TBX15: variants seen among roughly 807,000 people sequenced by gnomAD.
TBX15 encodes T-box transcription factor 15.
A neutral mutation model predicts 53.9 loss-of-function variants in TBX15; 18 were observed. That is an observed-to-expected ratio of 0.33 (90% CI 0.23 to 0.49). The LOEUF is 0.49. TBX15 is among the 20% of genes least tolerant of loss of function. The pLI is 0.98. For missense variants in TBX15, 692 were observed against 749.5 expected (o/e 0.92, Z 0.90); for synonymous variants, 295 against 278.0 (o/e 1.06, Z -0.61).
chr1:118,981,003 T>G (rs1354638160), intron 1 of TBX15, among the ~76,000 whole-genome samples: 1 of 152,010 alleles, frequency 6.6e-6, no homozygotes, highest in Admixed American at 6.6e-5. Flanking sequence ...TGGCTAAAAT[T>G]TGTATTTTTA....
chr1:118,935,247 G>A (rs776622924), intron 1 of TBX15, among the ~76,000 whole-genome samples: 2 of 152,042 alleles, frequency 1.3e-5, no homozygotes, highest in African/African-American at 2.4e-5. Context: ...TATTAATTAG[G>A]ATGTATAATA....
At chr1:118,892,347 G>GA (rs1177511305) in intron 7 of TBX15, among the ~76,000 whole-genome samples, 2 of 152,116 alleles carry the variant, frequency 1.3e-5, no homozygotes, top group Non-Finnish European at 2.9e-5. Flanking sequence ...GTACAGAATA[G>GA]AAAAACAACA....
intron 6 of TBX15, among the ~76,000 whole-genome samples, chr1:118,911,827 T>C (rs1314752473): frequency 6.6e-6 from 1 of 152,158 alleles, no homozygotes; most frequent in Non-Finnish European, 1.5e-5. Context: ...CTGCCCAGAG[T>C]GCATAGTTGG....
At chr1:118,981,514 A>G (rs941503922) in intron 1 of TBX15, among the ~76,000 whole-genome samples, 15 of 152,230 alleles carry the variant, frequency 9.9e-5, no homozygotes, top group South Asian at 2.1e-4. Flanking sequence ...AACACTAGCT[A>G]ATATTAAAAG....
At chr1:118,901,251 G>A (rs980067015) in intron 6 of TBX15, 47 of 421,524 alleles carry the variant, frequency 1.1e-4, no homozygotes, top group Non-Finnish European at 1.1e-4. Flanking sequence ...GGGCCTTTGT[G>A]CTGAGTCATA....
intron 1 of TBX15, among the ~76,000 whole-genome samples, chr1:118,936,072 C>A (rs780235969): frequency 6.6e-6 from 1 of 152,174 alleles, no homozygotes; most frequent in Non-Finnish European, 1.5e-5. Flanking sequence ...ACTAAGGTGG[C>A]TTAAATATGT....
At chr1:118,902,492 C>T (rs1380014008) in intron 6 of TBX15, among the ~76,000 whole-genome samples, 1 of 152,172 alleles carries the variant, frequency 6.6e-6, no homozygotes, top group African/African-American at 2.4e-5. Context: ...TGCTTTATTG[C>T]TGAGTCATTC....
Position 118,914,295 on chromosome 1 carries a change from TC to T in TBX15, c.862-117del. 6.1e-6 allele frequency: 6 copies of T among 984,254 alleles called. No individual in the cohort carries two copies. The South Asian group carries it at 8.6e-5, about 14-fold the overall frequency. 61.0% of individuals were successfully genotyped at this position (984,254 alleles called of 1,614,324 possible). ...TAACAGTTGTTGCTTTTATTTAATT[TC>T]CTTTCAGCTCAAGATTTAATTTGAA... On this transcript the variant is annotated intron_variant, in intron 5 of 7. Coordinates refer to ENST00000369429, the MANE Select transcript of TBX15 (RefSeq NM_001330677.2).
At chr1:118,914,309 G>A in intron 5 of TBX15, 130 bp from the exon 6 acceptor site, 1 of 906,258 alleles carries the variant, frequency 1.1e-6, no homozygotes, top group South Asian at 1.5e-5. Context: ...TTCAGCTCAA[G>A]ATTTAATTTG....
At chr1:118,904,973 A>G (rs1006453212) in intron 6 of TBX15, among the ~76,000 whole-genome samples, 11 of 152,210 alleles carry the variant, frequency 7.2e-5, no homozygotes, top group African/African-American at 1.9e-4. Context: ...ACTTCCTCCT[A>G]ACTGTGATTT....
At chr1:118,898,967 T>C in intron 7 of TBX15, 61 bp downstream of exon 7, 1 of 1,547,686 alleles carries the variant, frequency 6.5e-7, no homozygotes, top group Non-Finnish European at 8.9e-7. Flanking sequence ...CTATATTCGG[T>C]TGAGCTCCCA....
intron 6 of TBX15, among the ~76,000 whole-genome samples, chr1:118,910,190 T>C (rs1654985242): frequency 6.6e-6 from 1 of 152,220 alleles, no homozygotes; most frequent in African/African-American, 2.4e-5. Flanking sequence ...GCAAACTCTG[T>C]AACTCCAAAG....
chr1:118,900,384 T>C (rs1260902707), intron 6 of TBX15, among the ~76,000 whole-genome samples: 1 of 152,210 alleles, frequency 6.6e-6, no homozygotes, highest in African/African-American at 2.4e-5. Context: ...TTATTTTAGG[T>C]GAGAACAAAT....
intron 6 of TBX15, chr1:118,901,290 G>C (rs1027213087): frequency 2.2e-5 from 10 of 453,538 alleles, no homozygotes; most frequent in Middle Eastern, 3.3e-4. Context: ...GTCAAGAGAG[G>C]GCAAGAGCAA....
chr1:118,952,924 T>A (rs1325990919), intron 1 of TBX15, among the ~76,000 whole-genome samples: 1 of 152,206 alleles, frequency 6.6e-6, no homozygotes, highest in Non-Finnish European at 1.5e-5. Flanking sequence ...CTTGAAGGAA[T>A]GGTGCATCTC....
chr1:118,930,304 G>A (rs1391818372), intron 2 of TBX15, among the ~76,000 whole-genome samples: 1 of 152,190 alleles, frequency 6.6e-6, no homozygotes, highest in African/African-American at 2.4e-5. Flanking sequence ...GTGAGATTAT[G>A]TACACTGGCT....
At chr1:118,904,434 C>T (rs1046524906) in intron 6 of TBX15, among the ~76,000 whole-genome samples, 2 of 152,104 alleles carry the variant, frequency 1.3e-5, no homozygotes, top group African/African-American at 4.8e-5. Flanking sequence ...GACCTCCCAG[C>T]AGAGGTGTGC....
chr1:118,893,939 G>A (rs2101477937), intron 7 of TBX15, among the ~76,000 whole-genome samples: 1 of 152,318 alleles, frequency 6.6e-6, no homozygotes, highest in African/African-American at 2.4e-5. Context: ...TGAGAAAAAT[G>A]TGGATAAGAG....
intron 2 of TBX15, among the ~76,000 whole-genome samples, chr1:118,930,910 A>G (rs1173766258): frequency 6.6e-6 from 1 of 152,180 alleles, no homozygotes; most frequent in African/African-American, 2.4e-5. Flanking sequence ...CCTAATCCAT[A>G]TATGGGATGA....
Sources: allele counts gnomAD v4.1 joint callset (sites outside exome capture counted in the v4.1 genomes callset), GRCh38; gene constraint gnomAD v4.1.1; transcripts MANE v1.5; gene names NCBI Gene and HGNC (gene_info 2026-07-23, HGNC 2026-07-21).